The following PALS2 variants were observed in gnomAD, a reference collection of about 807,000 sequenced individuals.
The protein encoded by PALS2 is protein associated with LIN7 2, MAGUK p55 family member.
A neutral mutation model predicts 61.6 loss-of-function variants in PALS2; 27 were observed. The observed-to-expected ratio is 0.44, with a 90% CI of 0.32 to 0.60. The LOEUF (loss-of-function observed/expected upper bound fraction) is 0.60, where lower values mean the gene tolerates loss of function less well. Among genes scored for constraint, PALS2 ranks in the 20% least tolerant of loss-of-function variants. PALS2 has a pLI of 0.05. For synonymous variants in PALS2, 236 were observed against 218.6 expected (o/e 1.08, Z -0.70); for missense variants, 554 against 639.4 (o/e 0.87, Z 1.44).
At chr7:24,642,534 T>C (rs541078636) in intron 3 of PALS2, among the ~76,000 whole-genome samples, 1 of 152,260 alleles carries the variant, frequency 6.6e-6, no homozygotes, top group South Asian at 2.1e-4. Context: ...CAGCCGTATA[T>C]GGTAACTTGA....
chr7:24,666,151 A>G (rs1408619205), intron 8 of PALS2, 62 bp downstream of exon 8: 6 of 1,426,280 alleles, frequency 4.2e-6, no homozygotes, highest in Non-Finnish European at 5.9e-6. Context: ...TTAGTGTGGC[A>G]TAAACTCTGA....
chr7:24,596,382 A>C lies in PALS2; in HGVS notation c.-3+22789A>C, dbSNP rs1037436895. The stretch of plus-strand genomic sequence containing the variant: ...GTTATGAATTCTAGGTATTTTTGTA[A>C]GTATATATATAAAGTATTATTTTGA... On this transcript the variant is annotated intron_variant, in intron 1 of 11. Transcript: ENST00000222644. The surrounding 1 kb of genome is among the most constrained non-coding windows in gnomAD (Gnocchi z 4.5). Among the ~76,000 whole-genome samples, 3 of 152,084 alleles carry C rather than the reference A, an allele frequency of 2.0e-5. No homozygotes were observed. Among genetic ancestry groups the C allele is most frequent in the African/African-American group, 7.2e-5 (3 of 41,392 alleles).
chr7:24,634,256 A>AGTCT (rs1785138024), intron 2 of PALS2, among the ~76,000 whole-genome samples: 1 of 151,678 alleles, frequency 6.6e-6, no homozygotes, highest in East Asian at 1.9e-4. Flanking sequence ...TTTGAGATGG[A>AGTCT]GTCTTGCTCT....
chr7:24,650,791 TA>T (rs1180453402), intron 5 of PALS2, 79 bp downstream of exon 5: 1 of 1,002,180 alleles, frequency 1.0e-6, no homozygotes, highest in Admixed American at 3.0e-5. Context: ...TATCAGTTGC[TA>T]CTATTTTGCT....
chr7:24,660,841 G>A (rs1271894314), intron 5 of PALS2, among the ~76,000 whole-genome samples: 1 of 152,112 alleles, frequency 6.6e-6, no homozygotes, highest in African/African-American at 2.4e-5. Flanking sequence ...AAGCCTATTA[G>A]GAAAATGCCT....
intron 2 of PALS2, among the ~76,000 whole-genome samples, chr7:24,630,396 A>T (rs1784947585): frequency 1.3e-5 from 2 of 152,144 alleles, no homozygotes; most frequent in Non-Finnish European, 2.9e-5. Flanking sequence ...TGATGGGTTG[A>T]TGGGTGCAGC....
chr7:24,656,817 C>G (rs1025954671), intron 5 of PALS2, among the ~76,000 whole-genome samples: 2 of 152,166 alleles, frequency 1.3e-5, no homozygotes, highest in African/African-American at 2.4e-5. Context: ...CCGGCATAAG[C>G]CATTGCTCCC....
intron 1 of PALS2, among the ~76,000 whole-genome samples, chr7:24,582,927 T>C (rs1333693670): frequency 7.2e-6 from 1 of 138,632 alleles, no homozygotes; most frequent in Non-Finnish European, 1.5e-5. Context: ...AGTCTTGCTC[T>C]GTCACCCAGG....
chr7:24,641,947 G>A (rs1407810589), intron 3 of PALS2, 79 bp downstream of exon 3: 7 of 1,456,724 alleles, frequency 4.8e-6, no homozygotes, highest in Non-Finnish European at 6.6e-6. Flanking sequence ...TTAAGGTGAT[G>A]TTTTCTTCAA....
rs1429276939 is a variant in PALS2, at chr7:24,690,590, T to C, written c.*2976T>C. ...TCATTTTCAAATGTACAAATACCCA[T>C]AGAGGTGATGTGCCTGGATAAGTCA... On this transcript the variant is annotated 3_prime_UTR_variant, in exon 12 of 12. Coordinates refer to ENST00000222644, the MANE Select transcript of PALS2 (RefSeq NM_001303037.2). 1.3e-5 allele frequency: 2 copies of C among 152,142 alleles called. No individual in the cohort carries two copies. Among genetic ancestry groups the C allele is most frequent in the African/African-American group, 2.4e-5 (1 of 41,434 alleles). 9.4% of individuals were successfully genotyped at this position (152,142 alleles called of 1,614,324 possible).
At chr7:24,600,309 T>C (rs143404857) in intron 1 of PALS2, among the ~76,000 whole-genome samples, 41 of 152,302 alleles carry the variant, frequency 2.7e-4, no homozygotes, top group African/African-American at 8.4e-4. Flanking sequence ...CTGTTGTATA[T>C]GTAGTCTTTG....
intron 3 of PALS2, among the ~76,000 whole-genome samples, chr7:24,649,084 A>G (rs1786001811): frequency 6.6e-6 from 1 of 152,114 alleles, no homozygotes; most frequent in Non-Finnish European, 1.5e-5. Context: ...GGTAATATAA[A>G]ATTTTTTGTC....
chr7:24,599,007 CGA>C (rs1200983567), intron 1 of PALS2, among the ~76,000 whole-genome samples: 1 of 152,016 alleles, frequency 6.6e-6, no homozygotes, highest in Non-Finnish European at 1.5e-5. Context: ...AAAAACACAC[CGA>C]GTGTTGAATG....
chr7:24,673,183 A>G (rs1380587673), intron 9 of PALS2, among the ~76,000 whole-genome samples: 3 of 151,994 alleles, frequency 2.0e-5, no homozygotes, highest in East Asian at 3.9e-4. Context: ...ATTGTCTTCT[A>G]TTGATAGGAT....
At chr7:24,666,134 A>C (rs752229696) in intron 8 of PALS2, 45 bp downstream of exon 8, 1 of 1,512,488 alleles carries the variant, frequency 6.6e-7, no homozygotes, top group Non-Finnish European at 9.1e-7. Flanking sequence ...AAGTAGCTAT[A>C]TGTCATTTAG....
intron 9 of PALS2, among the ~76,000 whole-genome samples, chr7:24,676,536 T>G (rs1787604569): frequency 6.6e-6 from 1 of 152,124 alleles, no homozygotes; most frequent in Non-Finnish European, 1.5e-5. Flanking sequence ...TTAATCCATC[T>G]TGAATTGATT....
intron 3 of PALS2, among the ~76,000 whole-genome samples, chr7:24,644,181 G>C (rs1198439833): frequency 6.7e-6 from 1 of 148,898 alleles, no homozygotes; most frequent in Non-Finnish European, 1.5e-5. Flanking sequence ...ATGGGGGTTT[G>C]TTGTACATAT....
At chr7:24,680,731 G>T (rs1787881025) in intron 11 of PALS2, among the ~76,000 whole-genome samples, 1 of 152,182 alleles carries the variant, frequency 6.6e-6, no homozygotes, top group Non-Finnish European at 1.5e-5. Context: ...AAGTAGCTGG[G>T]ATTACAGGCA....
chr7:24,681,765 G>A (rs1483490691), intron 11 of PALS2, among the ~76,000 whole-genome samples: 1 of 152,086 alleles, frequency 6.6e-6, no homozygotes, highest in Non-Finnish European at 1.5e-5. Context: ...ACATTCGCCT[G>A]TGCTCCTTTG....
Sources: allele counts gnomAD v4.1 joint callset (sites outside exome capture counted in the v4.1 genomes callset), GRCh38; gene constraint gnomAD v4.1.1; non-coding constraint Gnocchi (gnomAD v3.1); transcripts MANE v1.5; gene names NCBI Gene and HGNC (gene_info 2026-07-23, HGNC 2026-07-21).